Variants in OSBPL1A observed in about 807,000 individuals in gnomAD.
OSBPL1A encodes the protein oxysterol binding protein like 1A.
In OSBPL1A, 80 loss-of-function variants were observed where a neutral mutation model predicts 137.1. The ratio of observed to expected loss-of-function variants is 0.58; its 90% confidence interval spans 0.49 to 0.70. The LOEUF is 0.70. Ranked by LOEUF, OSBPL1A falls within the 30% of genes least tolerant of loss-of-function variation. The probability of loss-of-function intolerance (pLI) is 0.00; values close to 1 mark genes in which losing one functional copy is unlikely to be tolerated. For missense variants in OSBPL1A, 970 were observed against 1,129.4 expected, an observed-to-expected ratio of 0.86 and a Z score of 2.02; for synonymous variants, 365 against 389.7, an observed-to-expected ratio of 0.94 and a Z score of 0.75.
chr18:24,380,797 A>G (rs2146208492), intron 1 of OSBPL1A, among the ~76,000 whole-genome samples: 1 of 152,108 alleles, frequency 6.6e-6, no homozygotes, highest in Non-Finnish European at 1.5e-5. Flanking sequence ...ACTAAATGCA[A>G]AAAAATTAGC....
chr18:24,226,439 G>A (rs913841420), intron 16 of OSBPL1A, among the ~76,000 whole-genome samples: 1 of 151,900 alleles, frequency 6.6e-6, no homozygotes, highest in Non-Finnish European at 1.5e-5. Context: ...GGAAATTCAC[G>A]ACGACCTCCA....
chr18:24,334,167 TTAACA>T lies in OSBPL1A; in HGVS notation c.480+73_480+77del, dbSNP rs2146144421. 3.4e-6 allele frequency: 4 copies of T among 1,192,544 alleles called. No individual in the cohort carries two copies. In the Admixed American group the frequency reaches 9.5e-5, roughly 28 times the overall value. The allele number at this position is 1,192,544 out of a possible 1,614,324, so 73.9% of individuals were successfully genotyped here. A position where few individuals can be genotyped will look rare whatever the true frequency, so the allele number is the denominator to read the frequency against. On this transcript the variant is annotated intron_variant, in intron 6 of 27. Coordinates refer to ENST00000319481, the MANE Select transcript of OSBPL1A (RefSeq NM_080597.4). ...TCCACAATTCAACTAAATTATTTACTTAACATTAAGTAAAAATTTTCCTGAAGTGT... is the reference window on the plus strand; with the variant it reads ...TCCACAATTCAACTAAATTATTTACTTTAAGTAAAAATTTTCCTGAAGTGT...
chr18:24,235,909 C>T lies in OSBPL1A; in HGVS notation c.1444+3311G>A, dbSNP rs116186750. On this transcript the variant is annotated intron_variant, in intron 16 of 27. Coordinates refer to ENST00000319481, the MANE Select transcript of OSBPL1A (RefSeq NM_080597.4). Reference sequence around the variant, plus strand: ...TACTGGATCATCTGAGTAGGTCCAACGTAATGCCATAGGTCTTTATAAAAG... The same window carrying T: ...TACTGGATCATCTGAGTAGGTCCAATGTAATGCCATAGGTCTTTATAAAAG... 2.8e-3 allele frequency among the ~76,000 whole-genome samples: 427 copies of T among 152,208 alleles called. 2 individuals carry two copies. Among genetic ancestry groups the T allele is most frequent in the African/African-American group, 9.7e-3 (402 of 41,522 alleles).
intron 17 of OSBPL1A, among the ~76,000 whole-genome samples, chr18:24,219,005 A>G (rs2087800862): frequency 6.6e-6 from 1 of 152,118 alleles, no homozygotes; most frequent in Admixed American, 6.5e-5. Flanking sequence ...TGCTTTAAAA[A>G]TAGGAGGCCG....
chr18:24,396,470 T>C (rs982159812), intron 1 of OSBPL1A, among the ~76,000 whole-genome samples: 16 of 152,324 alleles, frequency 1.1e-4, no homozygotes, highest in Middle Eastern at 3.4e-3. Flanking sequence ...CTATTTTGAC[T>C]ATCCGTTGCT....
At chr18:24,215,640 T>A (rs2087676096) in intron 17 of OSBPL1A, among the ~76,000 whole-genome samples, 1 of 152,204 alleles carries the variant, frequency 6.6e-6, no homozygotes. Flanking sequence ...GGCGATTTTC[T>A]CCTTTAGGCA....
Position 24,269,446 on chromosome 18 carries a change from G to A in OSBPL1A, c.1281+11396C>T, listed in dbSNP as rs144699542. Among the ~76,000 whole-genome samples the A allele has an allele frequency of 3.5e-3, 529 of 152,206 alleles. 2 individuals carry two copies. The highest frequency in any genetic ancestry group is 4.2e-3 in the Non-Finnish European group (285 of 68,030). On this transcript the variant is annotated intron_variant, in intron 15 of 27. Transcript: ENST00000319481. ...TCTGTAAGAATTTATTTAGTCACCTGACGCCGGTATAAGTCAGATGACTAC... is the reference window on the plus strand; with the variant it reads ...TCTGTAAGAATTTATTTAGTCACCTAACGCCGGTATAAGTCAGATGACTAC...
At chr18:24,372,079 G>T (rs919169057) in intron 2 of OSBPL1A, among the ~76,000 whole-genome samples, 2 of 151,820 alleles carry the variant, frequency 1.3e-5, no homozygotes, top group Non-Finnish European at 2.9e-5. Flanking sequence ...AGTTCAAGAT[G>T]AGCCTGGGCA....
chr18:24,213,141 C>G, intron 17 of OSBPL1A, among the ~76,000 whole-genome samples: 1 of 152,180 alleles, frequency 6.6e-6, no homozygotes, highest in Non-Finnish European at 1.5e-5. Context: ...ACCTCTCCAA[C>G]TAAAATTAGC....
Position 24,234,252 on chromosome 18 carries a change from T to A in OSBPL1A, c.1444+4968A>T, listed in dbSNP as rs536129804. On this transcript the variant is annotated intron_variant, in intron 16 of 27. Transcript: ENST00000319481. ...ATCTTTTTGTTTCAATGCGCATGAA[T>A]GTCTAGCCCTTTTCCCAGGAAGTGT... Among the ~76,000 whole-genome samples the A allele has an allele frequency of 2.0e-5, 3 of 152,348 alleles. No individual in the cohort carries two copies. In the South Asian group the frequency reaches 6.2e-4, roughly 32 times the overall value.
intron 26 of OSBPL1A, 135 bp downstream of exon 26, chr18:24,166,443 TG>T: frequency 9.1e-7 from 1 of 1,094,344 alleles, no homozygotes; most frequent in Non-Finnish European, 1.3e-6. Context: ...TTAAATTGAA[TG>T]TTAACTCAAA....
intron 4 of OSBPL1A, among the ~76,000 whole-genome samples, chr18:24,365,190 A>G (rs1413907947): frequency 6.6e-6 from 1 of 152,238 alleles, no homozygotes; most frequent in Non-Finnish European, 1.5e-5. Flanking sequence ...CAGCCATAAA[A>G]AAGACCAAAC....
intron 16 of OSBPL1A, among the ~76,000 whole-genome samples, chr18:24,227,500 A>G (rs1205367507): frequency 6.6e-6 from 1 of 152,240 alleles, no homozygotes; most frequent in Non-Finnish European, 1.5e-5. Context: ...AGTCTGGTTC[A>G]GGTAAACAGA....
chr18:24,225,785 G>A (rs1408753879), intron 16 of OSBPL1A, among the ~76,000 whole-genome samples: 1 of 151,796 alleles, frequency 6.6e-6, no homozygotes, highest in Non-Finnish European at 1.5e-5. Flanking sequence ...AAGACAGCAA[G>A]ACCTCATCTC....
intron 18 of OSBPL1A, among the ~76,000 whole-genome samples, chr18:24,193,697 T>C (rs899464930): frequency 2.6e-5 from 4 of 152,112 alleles, no homozygotes; most frequent in African/African-American, 4.8e-5. Context: ...TTCAGAACAT[T>C]TGTCTCCTAT....
chr18:24,250,198 A>G (rs1431997530), intron 15 of OSBPL1A, among the ~76,000 whole-genome samples: 1 of 94,452 alleles, frequency 1.1e-5, no homozygotes, highest in East Asian at 2.1e-4. Context: ...TTTTTTTGAC[A>G]TGGAGTCTCA....
At chr18:24,242,041 C>A (rs2088711571) in intron 15 of OSBPL1A, among the ~76,000 whole-genome samples, 1 of 151,664 alleles carries the variant, frequency 6.6e-6, no homozygotes, top group Non-Finnish European at 1.5e-5. Context: ...AAATCAAACA[C>A]CGAATGTTCT....
intron 15 of OSBPL1A, among the ~76,000 whole-genome samples, chr18:24,240,330 G>T (rs1208286193): frequency 6.6e-6 from 1 of 152,192 alleles, no homozygotes; most frequent in East Asian, 1.9e-4. Flanking sequence ...AGCCTGGTTT[G>T]ATTTTTTTAC....
chr18:24,249,619 G>C (rs1182499564), intron 15 of OSBPL1A, among the ~76,000 whole-genome samples: 1 of 152,148 alleles, frequency 6.6e-6, no homozygotes, highest in Non-Finnish European at 1.5e-5. Context: ...ACCAACTGGG[G>C]GACATTACAT....
Sources: allele counts gnomAD v4.1 joint callset (sites outside exome capture counted in the v4.1 genomes callset), GRCh38; gene constraint gnomAD v4.1.1; transcripts MANE v1.5; gene names NCBI Gene and HGNC (gene_info 2026-07-23, HGNC 2026-07-21).